Variants in TMC1 observed in about 807,000 individuals in gnomAD.
TMC1 encodes transmembrane channel like 1, also known as transmembrane channel-like protein 1.
TMC1 carries 84 observed loss-of-function variants against 105.8 expected under a neutral mutation model. The observed-to-expected ratio is 0.79, with a 90% CI of 0.67 to 0.95. The LOEUF (loss-of-function observed/expected upper bound fraction) is 0.95. TMC1 is among the 40% of genes least tolerant of loss of function. The pLI is 0.00. For missense variants in TMC1, 817 were observed against 914.1 expected, an observed-to-expected ratio of 0.89 and a Z score of 1.37; for synonymous variants, 315 against 311.5, an observed-to-expected ratio of 1.01 and a Z score of -0.12.
intron 5 of TMC1, among the ~76,000 whole-genome samples, chr9:72,658,827 A>C (rs1341537733): frequency 6.6e-6 from 1 of 152,186 alleles, no homozygotes; most frequent in Non-Finnish European, 1.5e-5. Flanking sequence ...GGCCTTCGGG[A>C]AAATACGTAA....
At chr9:72,714,305 G>A (rs1826884153) in intron 8 of TMC1, among the ~76,000 whole-genome samples, 1 of 152,094 alleles carries the variant, frequency 6.6e-6, no homozygotes, top group African/African-American at 2.4e-5. Flanking sequence ...CTAAGTTTAA[G>A]TCCTGGATAT....
chr9:72,751,757 A>G (rs1164582696), intron 10 of TMC1, 93 bp from the exon 11 acceptor site: 15 of 804,364 alleles, frequency 1.9e-5, no homozygotes, highest in Non-Finnish European at 2.0e-5. Context: ...CTCACAATTA[A>G]TGGATTCATT....
intron 12 of TMC1, among the ~76,000 whole-genome samples, chr9:72,768,455 A>G (rs1463674038): frequency 6.6e-6 from 1 of 152,212 alleles, no homozygotes; most frequent in African/African-American, 2.4e-5. Flanking sequence ...CATGTACCCC[A>G]GAACTTAAAG....
chr9:72,575,915 AC>A (rs1421609828), intron 1 of TMC1, among the ~76,000 whole-genome samples: 2 of 152,108 alleles, frequency 1.3e-5, no homozygotes, highest in African/African-American at 4.8e-5. Context: ...GCTCACACAC[AC>A]ACACACACAC....
At chr9:72,546,120 TA>T (rs560076398) in intron 1 of TMC1, among the ~76,000 whole-genome samples, 832 of 134,520 alleles carry the variant, frequency 6.2e-3, no homozygotes, top group South Asian at 7.9e-3. Flanking sequence ...CCAGCTCTAC[TA>T]AAAAAAAAAA....
chr9:72,797,882 C>T (rs1246858441), intron 17 of TMC1, among the ~76,000 whole-genome samples: 1 of 152,110 alleles, frequency 6.6e-6, no homozygotes, highest in Non-Finnish European at 1.5e-5. Flanking sequence ...TCTAACTAAA[C>T]TAAAGAGCTC....
intron 1 of TMC1, among the ~76,000 whole-genome samples, chr9:72,527,549 C>A (rs1823426382): frequency 6.6e-6 from 1 of 152,260 alleles, no homozygotes; most frequent in East Asian, 1.9e-4. Flanking sequence ...CTGCCCTCCC[C>A]AGACCCCAGT....
intron 4 of TMC1, among the ~76,000 whole-genome samples, chr9:72,642,528 G>C (rs1321348410): frequency 6.6e-6 from 1 of 152,206 alleles, no homozygotes; most frequent in African/African-American, 2.4e-5. Context: ...GGAAACTGCT[G>C]CCTATTTAGC....
At chr9:72,721,649 T>C (rs1827028494) in intron 8 of TMC1, among the ~76,000 whole-genome samples, 1 of 152,212 alleles carries the variant, frequency 6.6e-6, no homozygotes, top group Non-Finnish European at 1.5e-5. Flanking sequence ...TATGGGGTCC[T>C]GTAACAGTGC....
chr9:72,755,067 GGAGGGAGAGA>G (rs1162683330), intron 12 of TMC1, among the ~76,000 whole-genome samples, 183 bp downstream of exon 12: 255 of 103,522 alleles, frequency 2.5e-3, no homozygotes, highest in African/African-American at 0.01. Context: ...AGGGAGGGAG[GGAGGGAGAGA>G]GAGAGAGAGA....
intron 1 of TMC1, among the ~76,000 whole-genome samples, chr9:72,541,685 T>C (rs1350177403): frequency 1.0e-5 from 1 of 96,544 alleles, no homozygotes; most frequent in African/African-American, 6.4e-5. Flanking sequence ...CAAAACTCCA[T>C]CTCAAAAAAA....
chr9:72,652,491 A>C (rs1362924612), intron 5 of TMC1, among the ~76,000 whole-genome samples: 1 of 152,294 alleles, frequency 6.6e-6, no homozygotes, highest in African/African-American at 2.4e-5. Flanking sequence ...TGGAAGAAAC[A>C]GAAAGGATGG....
At chr9:72,626,906 C>G (rs1307403434) in intron 3 of TMC1, among the ~76,000 whole-genome samples, 1 of 152,102 alleles carries the variant, frequency 6.6e-6, no homozygotes, top group Non-Finnish European at 1.5e-5. Flanking sequence ...ATTAAACCAT[C>G]ACATCACATC....
At chr9:72,683,701 A>C (rs1288549079) in intron 5 of TMC1, among the ~76,000 whole-genome samples, 38 of 127,784 alleles carry the variant, frequency 3.0e-4, no homozygotes, top group Non-Finnish European at 1.3e-4. Context: ...CAGACAGCTG[A>C]AGGTGGTCTG....
intron 2 of TMC1, among the ~76,000 whole-genome samples, chr9:72,601,097 G>A (rs1824802903): frequency 6.6e-6 from 1 of 152,106 alleles, no homozygotes; most frequent in Non-Finnish European, 1.5e-5. Context: ...CACTCTGGGA[G>A]GCTGAGGCAG....
chr9:72,525,410 G>T (rs1823388773), intron 1 of TMC1, among the ~76,000 whole-genome samples: 2 of 152,196 alleles, frequency 1.3e-5, no homozygotes, highest in Non-Finnish European at 2.9e-5. Context: ...CAGGGCAGTT[G>T]TAAGTACTGA....
chr9:72,761,705 T>C (rs1463445002), intron 12 of TMC1, among the ~76,000 whole-genome samples: 1 of 152,192 alleles, frequency 6.6e-6, no homozygotes, highest in Admixed American at 6.5e-5. Flanking sequence ...GTTAGACACA[T>C]ATAGAATGTT....
chr9:72,683,389 C>T (rs1474209492), intron 5 of TMC1, among the ~76,000 whole-genome samples: 1 of 151,920 alleles, frequency 6.6e-6, no homozygotes, highest in African/African-American at 2.4e-5. Context: ...ATATGCATCC[C>T]CATCATTCGT....
At chr9:72,798,584 G>A (rs1417640271) in intron 17 of TMC1, among the ~76,000 whole-genome samples, 1 of 151,998 alleles carries the variant, frequency 6.6e-6, no homozygotes, top group Non-Finnish European at 1.5e-5. Context: ...GCAAACTCAT[G>A]TAGGAACACC....
Sources: gnomAD v4.1 joint callset for allele counts (sites outside exome capture counted in the v4.1 genomes callset) on GRCh38, gnomAD v4.1.1 for gene constraint, MANE v1.5 for transcripts, NCBI Gene and HGNC (gene_info 2026-07-23, HGNC 2026-07-21) for gene names.